The following SRGAP2 variants were observed in gnomAD, a reference collection of about 807,000 sequenced individuals.
SRGAP2 encodes SLIT-ROBO Rho GTPase-activating protein 2.
A neutral mutation model predicts 57.2 loss-of-function variants in SRGAP2; 15 were observed. The ratio of observed to expected loss-of-function variants is 0.26; its 90% CI spans 0.18 to 0.40. The LOEUF (loss-of-function observed/expected upper bound fraction) is 0.40. SRGAP2 is among the 10% of genes least tolerant of loss of function. SRGAP2 has a pLI of 1.00. For synonymous variants in SRGAP2, 249 were observed against 248.0 expected, an observed-to-expected ratio of 1.00 and a Z score of -0.04; for missense variants, 520 against 669.6, an observed-to-expected ratio of 0.78 and a Z score of 2.47.
At position 206,409,825 on chromosome 1, in the gene SRGAP2, G is replaced by A. The variant is rs1407339224; in HGVS notation, c.1356+3251G>A. On this transcript the variant is annotated intron_variant, in intron 10 of 22. Transcript: ENST00000573034. ...TAAAAAATAAATAAATCTGCTGGGC[G>A]TGGTGGCTCACGCCTGTAATCCCAG... is the stretch of plus-strand genomic sequence containing the variant. Among the ~76,000 whole-genome samples the A allele has an allele frequency of 5.3e-5, 8 of 150,644 alleles. No individual in the cohort carries two copies. In the East Asian group the frequency reaches 1.2e-3, roughly 22 times the overall value.
intron 2 of SRGAP2, among the ~76,000 whole-genome samples, chr1:206,216,474 G>A (rs1666649946): frequency 6.7e-6 from 1 of 149,460 alleles, no homozygotes; most frequent in Admixed American, 6.7e-5. Flanking sequence ...GTTAAAACTG[G>A]GTTGACCTGA....
intron 2 of SRGAP2, among the ~76,000 whole-genome samples, chr1:206,280,485 ATAT>A (rs1267086005): frequency 8.0e-6 from 1 of 125,004 alleles, no homozygotes; most frequent in Non-Finnish European, 1.7e-5. Flanking sequence ...AAAAGGGTAA[ATAT>A]TGTTGTGTCA....
intron 4 of SRGAP2, among the ~76,000 whole-genome samples, chr1:206,375,378 T>A (rs2103038741): frequency 6.6e-6 from 1 of 151,848 alleles, no homozygotes; most frequent in Admixed American, 6.6e-5. Context: ...TCACTCATCT[T>A]CAGAATGACC....
intron 13 of SRGAP2, among the ~76,000 whole-genome samples, chr1:206,424,477 A>T (rs1660618969): frequency 6.6e-6 from 1 of 152,148 alleles, no homozygotes; most frequent in African/African-American, 2.4e-5. Flanking sequence ...CAACATGGTA[A>T]AACCCCGTCT....
intron 2 of SRGAP2, among the ~76,000 whole-genome samples, chr1:206,234,148 C>T: frequency 9.3e-6 from 1 of 107,728 alleles, no homozygotes; most frequent in South Asian, 3.8e-4. Flanking sequence ...TCCATCTCCT[C>T]TGATCTAAGA....
intron 4 of SRGAP2, among the ~76,000 whole-genome samples, chr1:206,360,013 A>G (rs1429791306): frequency 3.3e-5 from 5 of 151,308 alleles, no homozygotes; most frequent in African/African-American, 1.2e-4. Flanking sequence ...TCACCGTTTT[A>G]GCCAGGATGG....
intron 20 of SRGAP2, chr1:206,453,889 C>T (rs1663578214): frequency 1.8e-5 from 8 of 451,590 alleles, no homozygotes; most frequent in South Asian, 4.6e-5. Flanking sequence ...TTCATTTAAC[C>T]GAGATGAGGT....
intron 2 of SRGAP2, among the ~76,000 whole-genome samples, chr1:206,276,667 G>A (rs1329188197): frequency 3.3e-5 from 5 of 152,046 alleles, no homozygotes; most frequent in African/African-American, 1.2e-4. Flanking sequence ...CCTCCTTGTG[G>A]CCTGAAATCC....
At chr1:206,444,742 C>G (rs1448235850) in intron 17 of SRGAP2, among the ~76,000 whole-genome samples, 2 of 152,206 alleles carry the variant, frequency 1.3e-5, no homozygotes, top group African/African-American at 4.8e-5. Context: ...TCTCTTTGAA[C>G]TCAGGATCCG....
At chr1:206,332,277 A>C in intron 3 of SRGAP2, among the ~76,000 whole-genome samples, 1 of 84,842 alleles carries the variant, frequency 1.2e-5, no homozygotes, top group African/African-American at 5.2e-5. Flanking sequence ...GAATCTGACA[A>C]TTATGTGTCT....
Position 206,459,400 on chromosome 1 carries a change from A to G in SRGAP2, c.2832+453A>G, listed in dbSNP as rs529180433. On this transcript the variant is annotated intron_variant, in intron 22 of 22. Coordinates refer to ENST00000573034, the MANE Select transcript of SRGAP2 (RefSeq NM_015326.5). The stretch of plus-strand genomic sequence containing the variant: ...GTCTCTGGTACCGAATGGGTAGATG[A>G]TCAATTAAGAACCTGCACCTGGTTT... 2.0e-5 allele frequency among the ~76,000 whole-genome samples: 3 copies of G among 152,286 alleles called. No individual in the cohort carries two copies. The South Asian group carries it at 6.2e-4, about 32-fold the overall frequency.
chr1:206,318,916 G>C (rs1375755224), intron 3 of SRGAP2, among the ~76,000 whole-genome samples: 19 of 151,966 alleles, frequency 1.3e-4, no homozygotes, highest in South Asian at 2.1e-4. Context: ...TGAGATTTGG[G>C]GGGGGACAGA....
chr1:206,445,609 G>A (rs936108665), intron 17 of SRGAP2, among the ~76,000 whole-genome samples: 2 of 152,164 alleles, frequency 1.3e-5, no homozygotes, highest in Non-Finnish European at 2.9e-5. Flanking sequence ...ATTTTGTTAT[G>A]CAAGAAGGTA....
At chr1:206,373,746 A>G (rs1654939360) in intron 4 of SRGAP2, among the ~76,000 whole-genome samples, 1 of 96,238 alleles carries the variant, frequency 1.0e-5, no homozygotes, top group Non-Finnish European at 2.0e-5. Context: ...AAAAGAAGAG[A>G]GAGAGACATT....
intron 2 of SRGAP2, among the ~76,000 whole-genome samples, chr1:206,288,590 TTTCTG>T (rs1234245797): frequency 8.0e-6 from 1 of 125,010 alleles, no homozygotes; most frequent in Non-Finnish European, 1.7e-5. Context: ...GGGTGCAAGA[TTTCTG>T]TTTCTCAAGA....
rs147564229 is a variant in SRGAP2 at position 206,433,086 on chromosome 1, A to G, written c.1555+2864A>G. Among the ~76,000 whole-genome samples, 250 of 152,334 alleles carry G rather than the reference A, an allele frequency of 1.6e-3. 1 individual carries two copies. The highest frequency in any genetic ancestry group is 5.8e-3 in the African/African-American group (240 of 41,574). ...CTATTGCAAGTCAGGGACTATATAT[A>G]TAGATATTCTTTTGCATTTCATTAC... On this transcript the variant is annotated intron_variant, in intron 14 of 22. Coordinates refer to ENST00000573034, the MANE Select transcript of SRGAP2 (RefSeq NM_015326.5).
intron 4 of SRGAP2, among the ~76,000 whole-genome samples, chr1:206,372,964 C>CCTTCCTTTCTTT (rs1654760418): frequency 4.3e-5 from 1 of 23,358 alleles, no homozygotes; most frequent in South Asian, 1.9e-3. Flanking sequence ...TCTTTTCTTT[C>CCTTCCTTTCTTT]CTTTCTTTCT....
intron 21 of SRGAP2, 36 bp from the exon 22 acceptor site, chr1:206,458,587 C>T (rs781833676): frequency 8.7e-6 from 6 of 692,916 alleles, no homozygotes; most frequent in Non-Finnish European, 1.6e-5. Flanking sequence ...AGCCAGGGCT[C>T]CCTGATCACA....
At chr1:206,303,800 A>AGG (rs1672011331) in intron 3 of SRGAP2, among the ~76,000 whole-genome samples, 1 of 151,756 alleles carries the variant, frequency 6.6e-6, no homozygotes, top group Non-Finnish European at 1.5e-5. Context: ...TATTATCCCC[A>AGG]ATTTATAGAT....
Sources: gnomAD v4.1 joint callset for allele counts (sites outside exome capture counted in the v4.1 genomes callset) on GRCh38, gnomAD v4.1.1 for gene constraint, MANE v1.5 for transcripts, NCBI Gene and HGNC (gene_info 2026-07-23, HGNC 2026-07-21) for gene names.